Variants in UST observed in about 807,000 individuals in gnomAD.
UST encodes chondroitin sulfate 2-O-sulfotransferase.
UST carries 21 observed loss-of-function variants against 45.6 expected under a neutral mutation model. The observed-to-expected ratio is 0.46, with a 90% CI of 0.33 to 0.66. UST has a LOEUF of 0.66. UST is among the 30% of genes least tolerant of loss of function. The probability of loss-of-function intolerance (pLI) is 0.02; values close to 1 mark genes in which losing one functional copy is unlikely to be tolerated. For synonymous variants in UST, 215 were observed against 200.6 expected, an observed-to-expected ratio of 1.07 and a Z score of -0.61; for missense variants, 463 against 512.4, an observed-to-expected ratio of 0.90 and a Z score of 0.93.
At chr6:148,954,799 C>T (rs1780450614) in intron 4 of UST, among the ~76,000 whole-genome samples, 1 of 152,222 alleles carries the variant, frequency 6.6e-6, no homozygotes, top group African/African-American at 2.4e-5. Flanking sequence ...TTGTTTCCAG[C>T]AGCTGTGGTC....
intron 7 of UST, among the ~76,000 whole-genome samples, chr6:149,053,040 A>G (rs777620631): frequency 2.6e-5 from 4 of 152,246 alleles, no homozygotes; most frequent in Non-Finnish European, 5.9e-5. Context: ...TACAGCAAGT[A>G]TCTATTGGAG....
chr6:148,853,694 G>T (rs1428662762), intron 1 of UST, among the ~76,000 whole-genome samples: 1 of 152,156 alleles, frequency 6.6e-6, no homozygotes, highest in Non-Finnish European at 1.5e-5. Context: ...GTTTTGATTT[G>T]TATTTCTCTA....
At chr6:148,995,475 T>C (rs1781436550) in intron 5 of UST, among the ~76,000 whole-genome samples, 2 of 152,218 alleles carry the variant, frequency 1.3e-5, no homozygotes, top group Admixed American at 6.5e-5. Context: ...TTCACAGATA[T>C]CTTCTGTGTT....
chr6:149,034,024 A>G (rs1049857667), intron 7 of UST, among the ~76,000 whole-genome samples: 1 of 152,140 alleles, frequency 6.6e-6, no homozygotes, highest in Non-Finnish European at 1.5e-5. Flanking sequence ...TACTGGGGTC[A>G]TGATCTCATT....
chr6:148,932,618 T>C (rs1222348591), intron 2 of UST, among the ~76,000 whole-genome samples: 1 of 152,236 alleles, frequency 6.6e-6, no homozygotes, highest in Non-Finnish European at 1.5e-5. Flanking sequence ...TTTGAGTTCC[T>C]GCTCAAACTG....
intron 7 of UST, among the ~76,000 whole-genome samples, chr6:149,068,669 A>G (rs1776776424): frequency 6.6e-6 from 1 of 152,196 alleles, no homozygotes; most frequent in Non-Finnish European, 1.5e-5. Context: ...TTCCATGCAT[A>G]GAATGTGCAA....
chr6:148,999,474 T>C (rs188949835), intron 5 of UST, among the ~76,000 whole-genome samples: 4 of 152,376 alleles, frequency 2.6e-5, no homozygotes, highest in Admixed American at 1.3e-4. Flanking sequence ...ATTCATGGCA[T>C]ACTTCAAATA....
At chr6:148,949,292 AAATAATAATAATAAT>A (rs56946786) in intron 3 of UST, among the ~76,000 whole-genome samples, 22 of 141,336 alleles carry the variant, frequency 1.6e-4, no homozygotes, top group African/African-American at 3.2e-4. Context: ...CTTCGTCTCA[AAATAATAATAATAAT>A]AATAATAATA....
At chr6:148,879,952 C>CTTTTTTTTTTTTTTTTTTTTTTTTTTTT (rs766758383) in intron 1 of UST, among the ~76,000 whole-genome samples, 1 of 119,856 alleles carries the variant, frequency 8.3e-6, no homozygotes, top group Admixed American at 8.1e-5. Context: ...TTTTTTTTTT[C>CTTTTTTTTTTTTTTTTTTTTTTTTTTTT]TTTTTTTTTT....
rs139620615 is a variant in UST, at chr6:148,782,241, T to C, written c.247+34564T>C. 9.4e-4 allele frequency among the ~76,000 whole-genome samples: 139 copies of C among 148,186 alleles called. 3 individuals carry two copies. In the East Asian group the frequency reaches 0.023, roughly 25 times the overall value. ...CCATTCTGGATTCCATTAAGAACAT[T>C]TGTCATTCATGGAAGAAGGTCAGAA... On this transcript the variant is annotated intron_variant, in intron 1 of 7. Coordinates refer to ENST00000367463, the MANE Select transcript of UST (RefSeq NM_005715.3).
intron 2 of UST, among the ~76,000 whole-genome samples, chr6:148,895,581 A>G (rs564489371): frequency 1.3e-3 from 197 of 152,218 alleles, no homozygotes; most frequent in Non-Finnish European, 2.2e-3. Context: ...ATAATTCCCA[A>G]GTGTTGTGGG....
At chr6:148,858,013 G>C (rs971952053) in intron 1 of UST, among the ~76,000 whole-genome samples, 1 of 152,154 alleles carries the variant, frequency 6.6e-6, no homozygotes, top group Admixed American at 6.6e-5. Context: ...CAACATTATA[G>C]AATATATTGT....
At chr6:148,896,797 C>G (rs1172777403) in intron 2 of UST, among the ~76,000 whole-genome samples, 1 of 152,104 alleles carries the variant, frequency 6.6e-6, no homozygotes, top group Non-Finnish European at 1.5e-5. Flanking sequence ...TTCTTGGTGC[C>G]TGGGAGGAGG....
chr6:148,984,382 CAG>C (rs1203489861), intron 5 of UST, among the ~76,000 whole-genome samples: 2 of 152,064 alleles, frequency 1.3e-5, no homozygotes, highest in South Asian at 2.1e-4. Flanking sequence ...TGGATGAGAA[CAG>C]GGGTGTGATA....
At chr6:148,991,274 T>C (rs1781346464) in intron 5 of UST, among the ~76,000 whole-genome samples, 2 of 152,270 alleles carry the variant, frequency 1.3e-5, no homozygotes, top group South Asian at 4.2e-4. Flanking sequence ...AGTTTGCAAA[T>C]GTTCGTTTTT....
intron 1 of UST, among the ~76,000 whole-genome samples, chr6:148,798,973 G>T (rs116993891): frequency 6.6e-6 from 1 of 152,108 alleles, no homozygotes; most frequent in Non-Finnish European, 1.5e-5. Flanking sequence ...GGGTTCAAGC[G>T]ATTCTCCTGC....
Position 148,842,267 on chromosome 6 carries a change from C to A in UST, c.248-44719C>A, listed in dbSNP as rs183836701. ...CTTTCCAGGAAAAACCAAGGTAGGCCTCAGTTAATTTGTTGTGTAGACAAG... is the reference window on the plus strand; with the variant it reads ...CTTTCCAGGAAAAACCAAGGTAGGCATCAGTTAATTTGTTGTGTAGACAAG... On this transcript the variant is annotated intron_variant, in intron 1 of 7. Coordinates refer to ENST00000367463, the MANE Select transcript of UST (RefSeq NM_005715.3). Among the ~76,000 whole-genome samples the A allele has an allele frequency of 3.3e-3, 496 of 152,258 alleles. 2 individuals are homozygous for A. The highest frequency in any genetic ancestry group is 5.8e-3 in the Non-Finnish European group (393 of 68,028).
chr6:148,786,287 G>A (rs1776734335), intron 1 of UST, among the ~76,000 whole-genome samples: 1 of 152,016 alleles, frequency 6.6e-6, no homozygotes, highest in Admixed American at 6.6e-5. Flanking sequence ...TCGTTACACA[G>A]GTAAACATGT....
At chr6:148,853,340 T>C (rs1407836839) in intron 1 of UST, among the ~76,000 whole-genome samples, 1 of 152,228 alleles carries the variant, frequency 6.6e-6, no homozygotes, top group Non-Finnish European at 1.5e-5. Context: ...ACATTTTCTT[T>C]ATCCAGTCTG....
Sources: gnomAD v4.1 joint callset for allele counts (sites outside exome capture counted in the v4.1 genomes callset) on GRCh38, gnomAD v4.1.1 for gene constraint, MANE v1.5 for transcripts, NCBI Gene and HGNC (gene_info 2026-07-23, HGNC 2026-07-21) for gene names.